FRMD5: variants seen among roughly 807,000 people sequenced by gnomAD.
FRMD5 encodes the protein FERM domain-containing protein 5.
FRMD5 carries 20 observed loss-of-function variants against 69.0 expected under a neutral mutation model. The observed-to-expected ratio is 0.29, with a 90% CI of 0.20 to 0.42. The LOEUF (loss-of-function observed/expected upper bound fraction) is 0.42. Among genes scored for constraint, FRMD5 ranks in the 10% least tolerant of loss-of-function variants. The pLI is 1.00. For synonymous variants in FRMD5, 271 were observed against 260.1 expected (o/e 1.04, Z -0.40); for missense variants, 595 against 708.6 (o/e 0.84, Z 1.82).
At chr15:44,069,379 T>C (rs1485618945) in intron 1 of FRMD5, among the ~76,000 whole-genome samples, 1 of 152,058 alleles carries the variant, frequency 6.6e-6, no homozygotes, top group African/African-American at 2.4e-5. Context: ...TTTACACAAA[T>C]GTTCATAACA....
intron 1 of FRMD5, among the ~76,000 whole-genome samples, chr15:43,996,058 C>T (rs1169304655): frequency 5.3e-5 from 8 of 152,082 alleles, no homozygotes; most frequent in African/African-American, 1.4e-4. Context: ...GTGCCTGAGG[C>T]CTAGGCTTCT....
intron 1 of FRMD5, among the ~76,000 whole-genome samples, chr15:43,964,062 T>C (rs2090251394): frequency 6.6e-6 from 1 of 151,478 alleles, no homozygotes; most frequent in Non-Finnish European, 1.5e-5. Context: ...ATAATAATAA[T>C]AATAAAAAGA....
intron 1 of FRMD5, among the ~76,000 whole-genome samples, chr15:44,171,794 C>T (rs1357227574): frequency 1.3e-5 from 2 of 152,154 alleles, no homozygotes; most frequent in African/African-American, 4.8e-5. Context: ...GACAGAGTCT[C>T]GCTCTGTCAC....
Position 44,000,161 on chromosome 15 carries a change from A to T in FRMD5, c.103-75852T>A, listed in dbSNP as rs540881624. 2.2e-3 allele frequency among the ~76,000 whole-genome samples: 326 copies of T among 150,588 alleles called. 1 individual carries two copies. Among genetic ancestry groups the T allele is most frequent in the Non-Finnish European group, 8.1e-4 (55 of 67,614 alleles). ...CATGCACCATGCCCAGCTATTTTTT[A>T]TTTTTTTGTAGAGACAGGGTCTTAC... is the stretch of plus-strand genomic sequence containing the variant. On this transcript the variant is annotated intron_variant, in intron 1 of 13. Coordinates refer to ENST00000417257, the MANE Select transcript of FRMD5 (RefSeq NM_032892.5).
At chr15:44,067,145 T>A (rs1389585515) in intron 1 of FRMD5, among the ~76,000 whole-genome samples, 2 of 152,098 alleles carry the variant, frequency 1.3e-5, no homozygotes, top group African/African-American at 4.8e-5. Context: ...TGGAAACTTA[T>A]TGAGACAGAG....
chr15:44,048,618 G>C (rs1309257974), intron 1 of FRMD5, among the ~76,000 whole-genome samples: 1 of 152,018 alleles, frequency 6.6e-6, no homozygotes, highest in East Asian at 1.9e-4. Context: ...TGTTGCCCAG[G>C]CTGGAGTGCA....
At chr15:43,968,039 G>GA (rs199861321) in intron 1 of FRMD5, among the ~76,000 whole-genome samples, 303 of 124,614 alleles carry the variant, frequency 2.4e-3, no homozygotes, top group East Asian at 7.5e-3. Context: ...ACACTGATCT[G>GA]AAAAAAAAAA....
chr15:44,010,818 T>C (rs546898803), intron 1 of FRMD5, among the ~76,000 whole-genome samples: 5 of 152,134 alleles, frequency 3.3e-5, no homozygotes, highest in Non-Finnish European at 7.4e-5. Context: ...ATAGCTTTTA[T>C]GCTGGGCAAA....
At chr15:44,086,549 T>C (rs1205589438) in intron 1 of FRMD5, among the ~76,000 whole-genome samples, 2 of 152,188 alleles carry the variant, frequency 1.3e-5, no homozygotes, top group African/African-American at 4.8e-5. Context: ...TGCCAGGGGC[T>C]GCAGGTAGGA....
chr15:43,952,516 T>C (rs917835367), intron 1 of FRMD5, among the ~76,000 whole-genome samples: 12 of 152,354 alleles, frequency 7.9e-5, no homozygotes, highest in African/African-American at 2.9e-4. Flanking sequence ...TTCCATGCGC[T>C]GCTGCATTTT....
intron 1 of FRMD5, among the ~76,000 whole-genome samples, chr15:44,178,269 G>A (rs1400026304): frequency 3.9e-5 from 6 of 152,078 alleles, no homozygotes; most frequent in South Asian, 4.1e-4. Flanking sequence ...AAGTTGCAGC[G>A]AGCGGAGATC....
chr15:44,029,537 C>A (rs963651781), intron 1 of FRMD5, among the ~76,000 whole-genome samples: 56 of 152,146 alleles, frequency 3.7e-4, no homozygotes, highest in African/African-American at 1.4e-3. Flanking sequence ...GTAAACAGAA[C>A]ATAACAGGGA....
chr15:43,973,608 T>A (rs2090421251), intron 1 of FRMD5, among the ~76,000 whole-genome samples: 1 of 152,060 alleles, frequency 6.6e-6, no homozygotes, highest in African/African-American at 2.4e-5. Context: ...CCCCAGATGA[T>A]CCACCTGCCT....
chr15:43,889,378 TCAAA>T (rs1567212406), intron 8 of FRMD5, among the ~76,000 whole-genome samples: 1 of 152,096 alleles, frequency 6.6e-6, no homozygotes, highest in African/African-American at 2.4e-5. Flanking sequence ...CAGACAAATA[TCAAA>T]CAATCTCAGG....
intron 1 of FRMD5, among the ~76,000 whole-genome samples, chr15:44,129,576 C>G (rs1189108685): frequency 6.6e-6 from 1 of 152,112 alleles, no homozygotes; most frequent in Non-Finnish European, 1.5e-5. Flanking sequence ...AGGTTCTCTG[C>G]AGTCCCCAGA....
intron 13 of FRMD5, among the ~76,000 whole-genome samples, chr15:43,875,084 G>T (rs1175844495): frequency 2.0e-5 from 3 of 152,034 alleles, no homozygotes; most frequent in African/African-American, 7.2e-5. Flanking sequence ...TGTAATCCCA[G>T]CTACTCAGGA....
intron 1 of FRMD5, among the ~76,000 whole-genome samples, chr15:43,931,562 A>G (rs1345468062): frequency 6.6e-6 from 1 of 152,078 alleles, no homozygotes; most frequent in East Asian, 1.9e-4. Flanking sequence ...GGACAGTTTG[A>G]CAACTCATTT....
intron 1 of FRMD5, among the ~76,000 whole-genome samples, chr15:43,992,072 AC>A (rs1454513836): frequency 1.7e-4 from 26 of 152,356 alleles, no homozygotes; most frequent in African/African-American, 6.3e-4. Context: ...TTTGCTTTCT[AC>A]TATAATTCTG....
At chr15:44,012,252 C>T (rs1890751971) in intron 1 of FRMD5, among the ~76,000 whole-genome samples, 1 of 152,226 alleles carries the variant, frequency 6.6e-6, no homozygotes, top group African/African-American at 2.4e-5. Flanking sequence ...AGAGGGCTGA[C>T]TGTAAGTGCA....
Sources: allele counts gnomAD v4.1 joint callset (sites outside exome capture counted in the v4.1 genomes callset), GRCh38; gene constraint gnomAD v4.1.1; transcripts MANE v1.5; gene names NCBI Gene and HGNC (gene_info 2026-07-23, HGNC 2026-07-21).